Variants in CXXC1 observed in about 807,000 individuals in gnomAD.
CXXC1 encodes CXXC-type zinc finger protein 1.
A neutral mutation model predicts 83.6 loss-of-function variants in CXXC1; 21 were observed. That is an observed-to-expected ratio of 0.25 (90% confidence interval 0.18 to 0.36). The LOEUF (loss-of-function observed/expected upper bound fraction) is 0.36. CXXC1 is among the 10% of genes least tolerant of loss of function. CXXC1 has a pLI of 1.00. For missense variants in CXXC1, 688 were observed against 919.5 expected (o/e 0.75, Z 3.26); for synonymous variants, 371 against 337.5 (o/e 1.10, Z -1.09).
rs201544710 is a variant in CXXC1 at position 50,284,593 on chromosome 18, G to A, written c.1021-31C>T. 2.4e-5 allele frequency: 38 copies of A among 1,582,330 alleles called. No homozygotes were observed. In the African/African-American group the frequency reaches 5.1e-4, roughly 21 times the overall value. On this transcript the variant is annotated intron_variant, in intron 8 of 14. Transcript: ENST00000285106. ...GAGCAAGACAAGTCAGGTCAGGGTG[G>A]AGTCAAAGTCAGCCCCAGACCCCAG...
chr18:50,285,951 G>C lies in CXXC1; in HGVS notation c.460-23C>G. ...ATGCTGCAGGAGGGGGCCCAGAACA[G>C]AAATCATGGACCCAGGCAGGGCTGA... On this transcript the variant is annotated intron_variant, in intron 4 of 14. Coordinates refer to ENST00000285106, the MANE Select transcript of CXXC1 (RefSeq NM_014593.4). The surrounding 1 kb of genome is among the most constrained non-coding windows in gnomAD (Gnocchi z 4.4). 6.2e-7 allele frequency: 1 copy of C among 1,613,926 alleles called. No homozygotes were observed.
Position 50,282,757 on chromosome 18 carries a change from G to C in CXXC1, c.1825-18C>G, listed in dbSNP as rs1451879584. The C allele has an allele frequency of 6.2e-7, 1 of 1,613,474 alleles. No homozygotes were observed. Among genetic ancestry groups the C allele is most frequent in the Non-Finnish European group, 8.5e-7 (1 of 1,179,714 alleles). On this transcript the variant is annotated intron_variant, in intron 14 of 14. Coordinates refer to ENST00000285106, the MANE Select transcript of CXXC1 (RefSeq NM_014593.4). This position sits in a 1 kb window ranked among gnomAD's most constrained non-coding sequence, Gnocchi z 5.8. Reference sequence around the variant, plus strand: ...TTGTACCACTGCCAAGGGAGCGGCAGGAGTCCTAAGCAGGAACACCTGCAG... The same window carrying C: ...TTGTACCACTGCCAAGGGAGCGGCACGAGTCCTAAGCAGGAACACCTGCAG...
At chr18:50,286,349 C>T (rs2040714432) in intron 3 of CXXC1, 92 bp from the exon 4 acceptor site, 1 of 1,238,236 alleles carries the variant, frequency 8.1e-7, no homozygotes, top group Non-Finnish European at 1.1e-6. Flanking sequence ...CCCTTACTGA[C>T]CCACCCACCT....
rs747740260 is a variant in CXXC1, at chr18:50,284,813, G to T, written c.939C>A (p.Ser313=). The part of the protein sequence containing the change: ...GLPWMSDTEE[S]PFLDPALRKR... ...TCCGCAGCGCGGGGTCCAGGAATGG[G>T]GACTCTTCTGTGTCGCTCATCCAGG... Residue 313 remains serine (S), a synonymous_variant, in exon 8 of 15, where the codon TCC becomes TCA. Coordinates refer to ENST00000285106, the MANE Select transcript of CXXC1 (RefSeq NM_014593.4). 4 of 1,614,168 alleles carry T rather than the reference G, an allele frequency of 2.5e-6. No individual in the cohort carries two copies.
At position 50,283,010 on chromosome 18, in the gene CXXC1, C is replaced by T. The variant is rs764252179; in HGVS notation, c.1672-4G>A. The T allele has an allele frequency of 1.2e-6, 2 of 1,613,590 alleles. No individual in the cohort carries two copies. Among genetic ancestry groups the T allele is most frequent in the Non-Finnish European group, 1.7e-6 (2 of 1,179,952 alleles). ...CGCATACCTCGTCAGCTGGCACCTGCAAGGAGGCCAGGTTGGGGGGATGAA... is the reference window on the plus strand; with the variant it reads ...CGCATACCTCGTCAGCTGGCACCTGTAAGGAGGCCAGGTTGGGGGGATGAA... On this transcript the variant is annotated splice_polypyrimidine_tract_variant and splice_region_variant and intron_variant, in intron 13 of 14. Transcript: ENST00000285106.
In CXXC1 at chr18:50,282,437, A is replaced by T; in HGVS notation, c.*156T>A. On this transcript the variant is annotated 3_prime_UTR_variant, in exon 15 of 15. Transcript: ENST00000285106. This position sits in a 1 kb window ranked among gnomAD's most constrained non-coding sequence, Gnocchi z 5.8. ...GCCCCACCAGGCACTGAACATGTCG[A>T]CGGGGACAGTCCCTCTGATAAAGGC... The T allele has an allele frequency of 1.1e-6, 1 of 924,316 alleles. No individual in the cohort carries two copies. The highest frequency in any genetic ancestry group is 1.5e-5 in the South Asian group (1 of 66,450). 57.3% of individuals were successfully genotyped at this position (924,316 alleles called of 1,614,324 possible).
At chr18:50,284,203 C>T (rs2040675512) in intron 9 of CXXC1, 102 bp from the exon 10 acceptor site, 18 of 1,457,052 alleles carry the variant, frequency 1.2e-5, no homozygotes, top group South Asian at 2.4e-5. Flanking sequence ...AGGTGACTGG[C>T]GGAATGGTGG....
chr18:50,282,570 G>A lies in CXXC1; in HGVS notation c.*23C>T, dbSNP rs1059554. The A allele has an allele frequency of 3.1e-6, 5 of 1,603,372 alleles. No individual in the cohort carries two copies. The South Asian group carries it at 3.3e-5, about 11-fold the overall frequency. On this transcript the variant is annotated 3_prime_UTR_variant, in exon 15 of 15. Coordinates refer to ENST00000285106, the MANE Select transcript of CXXC1 (RefSeq NM_014593.4). This position sits in a 1 kb window ranked among gnomAD's most constrained non-coding sequence, Gnocchi z 5.8. ...GGCTCCCCCATCTGGAATGCAGGGTGTAAGGGGTCCGGGCCAGGAGGCTCA... is the reference window on the plus strand; with the variant it reads ...GGCTCCCCCATCTGGAATGCAGGGTATAAGGGGTCCGGGCCAGGAGGCTCA...
At chr18:50,283,656 G>C in intron 11 of CXXC1, 49 bp downstream of exon 11, 1 of 1,606,918 alleles carries the variant, frequency 6.2e-7, no homozygotes. Context: ...TCCCCCACTG[G>C]CCCACTGATG....
chr18:50,286,064 G>A lies in CXXC1; in HGVS notation c.417C>T (p.Pro139=). ...CCAAGGGCTGCGGAGAGGATTTGTG[G>A]GGCGAAGCAGAGCCCCGAGCAAGCA... The part of the protein sequence containing the change: ...GAMLARGSAS[P]HKSSPQPLVA... Residue 139 remains proline, a synonymous_variant, in exon 4 of 15, where the codon CCC becomes CCT. Transcript: ENST00000285106. 6.2e-7 allele frequency: 1 copy of A among 1,613,948 alleles called. No individual in the cohort carries two copies.
Position 50,283,640 on chromosome 18 carries a change from A to G in CXXC1, c.1524+65T>C, listed in dbSNP as rs1290384758. On this transcript the variant is annotated intron_variant, in intron 11 of 14. Transcript: ENST00000285106. ...CTCCCAAGACACCACCCAGACAACA[A>G]ATCTGTCCCCCACTGGCCCACTGAT... 4 of 1,608,782 alleles carry G rather than the reference A, an allele frequency of 2.5e-6. No individual in the cohort carries two copies. The East Asian group carries it at 6.7e-5, about 27-fold the overall frequency.
chr18:50,283,057 G>T, intron 13 of CXXC1, 51 bp from the exon 14 acceptor site: 1 of 1,594,718 alleles, frequency 6.3e-7, no homozygotes, highest in Non-Finnish European at 8.6e-7. Context: ...AGGGAGAATA[G>T]GAATGGGGGC....
In CXXC1 at chr18:50,283,737, C is replaced by T; in HGVS notation, c.1492G>A (p.Ala498Thr). 5 of 1,614,234 alleles carry T rather than the reference C, an allele frequency of 3.1e-6. No individual in the cohort carries two copies. The highest frequency in any genetic ancestry group is 4.2e-6 in the Non-Finnish European group (5 of 1,180,044). Reference protein sequence around the residue: ...SCGHPINPRVALRHMERCYAK... With the variant: ...SCGHPINPRVTLRHMERCYAK... ...TAGCAGCGCTCCATGTGGCGCAAGGCAACACGTGGGTTGATGGGGTGCCCA... is the reference window on the plus strand; with the variant it reads ...TAGCAGCGCTCCATGTGGCGCAAGGTAACACGTGGGTTGATGGGGTGCCCA... The change falls in exon 11 of 15, where the codon GCC becomes ACC. Residue 498 changes from alanine to threonine, a missense_variant. Ala to Thr is a moderately conservative substitution (Grantham distance 58). Transcript: ENST00000285106.
At chr18:50,286,414 C>G (rs1436804980) in intron 3 of CXXC1, 125 bp downstream of exon 3, 4 of 1,066,100 alleles carry the variant, frequency 3.8e-6, no homozygotes, top group Non-Finnish European at 4.2e-6. Context: ...TCTTCTATTA[C>G]TCACAATGGA....
Position 50,285,374 on chromosome 18 carries a change from C to T in CXXC1, c.640-23G>A. On this transcript the variant is annotated intron_variant, in intron 5 of 14. Transcript: ENST00000285106. This position sits in a 1 kb window ranked among gnomAD's most constrained non-coding sequence, Gnocchi z 4.4. ...TTCCTGTGCCGGCAGGAGGAAGGCC[C>T]AGGTCAGCCCCAGGTGGATGGAGGG... The T allele has an allele frequency of 6.3e-7, 1 of 1,577,598 alleles. No homozygotes were observed. Among genetic ancestry groups the T allele is most frequent in the Non-Finnish European group, 8.6e-7 (1 of 1,160,646 alleles).
chr18:50,287,660 G>C lies in CXXC1; in HGVS notation c.-71C>G, dbSNP rs1599677743. On this transcript the variant is annotated 5_prime_UTR_variant, in exon 1 of 15. Transcript: ENST00000285106. The stretch of plus-strand genomic sequence containing the variant: ...GCGAACCTGCACAGACCACTCGGCG[G>C]CGTCCCAGGCGGTTGCAAAGGCGCC... 3.8e-6 allele frequency: 6 copies of C among 1,592,436 alleles called. No homozygotes were observed. The Admixed American group carries it at 6.9e-5, about 18-fold the overall frequency.
Position 50,285,981 on chromosome 18 carries a change from G to T in CXXC1, c.459+41C>A. 3 of 1,613,798 alleles carry T rather than the reference G, an allele frequency of 1.9e-6. No homozygotes were observed. The South Asian group carries it at 3.3e-5, about 18-fold the overall frequency. On this transcript the variant is annotated intron_variant, in intron 4 of 14. Coordinates refer to ENST00000285106, the MANE Select transcript of CXXC1 (RefSeq NM_014593.4). The surrounding 1 kb of genome is among the most constrained non-coding windows in gnomAD (Gnocchi z 4.4). ...CATGGACCCAGGCAGGGCTGAAACG[G>T]AACCACTTTACACATCCATTCACTT...
At position 50,287,668 on chromosome 18, in the gene CXXC1, G is replaced by A. The variant is rs1352026900; in HGVS notation, c.-79C>T. 9.4e-6 allele frequency: 15 copies of A among 1,588,622 alleles called. No individual in the cohort carries two copies. Among genetic ancestry groups the A allele is most frequent in the Admixed American group, 5.1e-5 (3 of 58,514 alleles). On this transcript the variant is annotated 5_prime_UTR_variant, in exon 1 of 15. Transcript: ENST00000285106. ...GCACAGACCACTCGGCGGCGTCCCA[G>A]GCGGTTGCAAAGGCGCCCACAACTA...
chr18:50,283,589 G>A lies in CXXC1; in HGVS notation c.1525-25C>T, dbSNP rs757952915. On this transcript the variant is annotated intron_variant, in intron 11 of 14. Coordinates refer to ENST00000285106, the MANE Select transcript of CXXC1 (RefSeq NM_014593.4). The stretch of plus-strand genomic sequence containing the variant: ...ACTGGAGGGATGAGCACAAATGGAG[G>A]GAACTGTGGATGTGCGCTGCATGCC... 2.5e-6 allele frequency: 4 copies of A among 1,613,648 alleles called. No individual in the cohort carries two copies. The African/African-American group carries it at 4.0e-5, about 16-fold the overall frequency.
Sources: gnomAD v4.1 joint callset for allele counts on GRCh38, gnomAD v4.1.1 for gene constraint, Gnocchi (gnomAD v3.1) non-coding constraint, MANE v1.5 for transcripts, NCBI Gene and HGNC (gene_info 2026-07-23, HGNC 2026-07-21) for gene names.